SP3: variants seen among roughly 807,000 people sequenced by gnomAD.
The protein encoded by SP3 is Sp3 transcription factor.
SP3 carries 10 observed loss-of-function variants against 70.3 expected under a neutral mutation model. The ratio of observed to expected loss-of-function variants is 0.14; its 90% CI spans 0.09 to 0.24. The LOEUF (loss-of-function observed/expected upper bound fraction) is 0.24. Among genes scored for constraint, SP3 ranks in the 10% least tolerant of loss-of-function variants. The probability of loss-of-function intolerance (pLI) is 1.00; values close to 1 mark genes in which losing one functional copy is unlikely to be tolerated. For synonymous variants in SP3, 402 were observed against 333.5 expected, an observed-to-expected ratio of 1.21 and a Z score of -2.24; for missense variants, 825 against 914.6, an observed-to-expected ratio of 0.90 and a Z score of 1.26.
At chr2:173,929,936 G>A (rs1559096909) in intron 4 of SP3, among the ~76,000 whole-genome samples, 1 of 152,074 alleles carries the variant, frequency 6.6e-6, no homozygotes, top group Admixed American at 6.5e-5. Flanking sequence ...AATTCCAAGC[G>A]CCAATGTCCA....
chr2:173,944,422 C>T (rs182434131), intron 4 of SP3, among the ~76,000 whole-genome samples: 3 of 152,098 alleles, frequency 2.0e-5, no homozygotes, highest in African/African-American at 7.2e-5. Context: ...GTAGTCCCAG[C>T]TAACTCAGGA....
In SP3 at chr2:173,954,898, T is replaced by G. The variant is rs1456902668; in HGVS notation, c.1614A>C (p.Pro538=). 1 of 1,613,740 alleles carries G rather than the reference T, an allele frequency of 6.2e-7. No homozygotes were observed. The highest frequency in any genetic ancestry group is 1.3e-5 in the African/African-American group (1 of 74,942). The change falls in exon 4 of 7, where the codon CCA becomes CCC. Residue 538 remains proline (P), a synonymous_variant. Coordinates refer to ENST00000310015, the MANE Select transcript of SP3 (RefSeq NM_003111.5). The part of the protein sequence containing the change: ...SIDSAGIQLH[P]GENADSPADI... ...CTGCAGGACTGTCAGCATTCTCTCCTGGATGTAGCTGTATACCAGCAGAAT... is the reference window on the plus strand; with the variant it reads ...CTGCAGGACTGTCAGCATTCTCTCCGGGATGTAGCTGTATACCAGCAGAAT...
In SP3 at chr2:173,905,515, G is replaced by A. The variant is rs1009843894; in HGVS notation, c.*4426C>T. ...TGGGGAAAAGGACTGAAGGAGATAG[G>A]CCTTCTCAGGATATCATTCTTAACA... On this transcript the variant is annotated 3_prime_UTR_variant, in exon 7 of 7. Coordinates refer to ENST00000310015, the MANE Select transcript of SP3 (RefSeq NM_003111.5). Among the ~76,000 whole-genome samples the A allele has an allele frequency of 1.3e-5, 2 of 152,064 alleles. No individual in the cohort carries two copies. The highest frequency in any genetic ancestry group is 1.9e-4 in the East Asian group (1 of 5,194).
At position 173,964,559 on chromosome 2, in the gene SP3, G is replaced by A. The variant is rs916133121; in HGVS notation, c.8-6C>T. 1.6e-5 allele frequency: 11 copies of A among 677,712 alleles called. No homozygotes were observed. The African/African-American group carries it at 1.9e-4, about 12-fold the overall frequency. 42.0% of individuals were successfully genotyped at this position (677,712 alleles called of 1,614,324 possible). A position where few individuals can be genotyped will look rare whatever the true frequency, so the allele number is the denominator to read the frequency against. ...TTTCACGGGCTTTTCGGGAGCTGCA[G>A]GCACAGCGCGGGGGGGTGGGGGTGG... On this transcript the variant is annotated splice_polypyrimidine_tract_variant and splice_region_variant and intron_variant, in intron 1 of 6. Transcript: ENST00000310015.
At chr2:173,935,092 G>A (rs533527544) in intron 4 of SP3, among the ~76,000 whole-genome samples, 1 of 152,212 alleles carries the variant, frequency 6.6e-6, no homozygotes, top group Admixed American at 6.5e-5. Flanking sequence ...TAAAGTCGAT[G>A]TTCTAGGCCA....
At chr2:173,941,969 T>C (rs1690383092) in intron 4 of SP3, among the ~76,000 whole-genome samples, 1 of 152,208 alleles carries the variant, frequency 6.6e-6, no homozygotes, top group Non-Finnish European at 1.5e-5. Flanking sequence ...CACGGTATCT[T>C]ACCTTCTCAT....
rs1463494964 is a variant in SP3 at position 173,901,438 on chromosome 2, A to G, written c.*8503T>C. Reference sequence around the variant, plus strand: ...AATATGTACCTGGGATTAATTAAGAATGTTTGAAGATCAATGCAAAAAATT... The same window carrying G: ...AATATGTACCTGGGATTAATTAAGAGTGTTTGAAGATCAATGCAAAAAATT... On this transcript the variant is annotated 3_prime_UTR_variant, in exon 7 of 7. Coordinates refer to ENST00000310015, the MANE Select transcript of SP3 (RefSeq NM_003111.5). 6.6e-6 allele frequency among the ~76,000 whole-genome samples: 1 copy of G among 152,122 alleles called. No homozygotes were observed. The highest frequency in any genetic ancestry group is 1.5e-5 in the Non-Finnish European group (1 of 68,010).
chr2:173,964,729 G>GC (rs1444753766), intron 1 of SP3, 176 bp from the exon 2 acceptor site: 1 of 350,682 alleles, frequency 2.9e-6, no homozygotes, highest in Non-Finnish European at 5.0e-6. Context: ...TCCTGCTGCT[G>GC]CCCCCGCCCG....
intron 4 of SP3, among the ~76,000 whole-genome samples, chr2:173,948,133 G>A (rs1247021913): frequency 6.6e-6 from 1 of 151,938 alleles, no homozygotes; most frequent in African/African-American, 2.4e-5. Flanking sequence ...TGCATGTAGG[G>A]TACTTTTATC....
chr2:173,910,019 G>A lies in SP3; in HGVS notation c.2268C>T (p.Thr756=). The A allele has an allele frequency of 6.2e-7, 1 of 1,613,814 alleles. No homozygotes were observed. Among genetic ancestry groups the A allele is most frequent in the South Asian group, 1.1e-5 (1 of 91,036 alleles). ...TGTTGGTAAGGATATCTTGATTGCT[G>A]GTGGCGGAAGTATTAACAGTTCCTA... The part of the protein sequence containing the change: ...SGIGTVNTSA[T]SNQDILTNTE... The change falls in exon 7 of 7, where the codon ACC becomes ACT. Residue 756 remains threonine, a synonymous_variant. Coordinates refer to ENST00000310015, the MANE Select transcript of SP3 (RefSeq NM_003111.5).
At chr2:173,920,277 G>C (rs1405371599) in intron 4 of SP3, among the ~76,000 whole-genome samples, 1 of 152,076 alleles carries the variant, frequency 6.6e-6, no homozygotes, top group Non-Finnish European at 1.5e-5. Context: ...AAAGGGGAGG[G>C]AGGGATGAAT....
chr2:173,965,400 T>C, upstream of SP3: 2 of 565,682 alleles, frequency 3.5e-6, no homozygotes, highest in South Asian at 4.4e-5. Flanking sequence ...CCGCCCCTCT[T>C]CTTGGCTCTC....
chr2:173,955,966 C>T lies in SP3; in HGVS notation c.546G>A (p.Gln182=). Residue 182 remains glutamine (Q), a synonymous_variant, in exon 4 of 7, where the codon CAG becomes CAA. Coordinates refer to ENST00000310015, the MANE Select transcript of SP3 (RefSeq NM_003111.5). ...VIPQIQSADG[Q]QVQIGFTGSS... ...AGCCTGTGAAACCAATTTGAACCTGCTGACCATCTGCTGACTGGATCTGTG... is the reference window on the plus strand; with the variant it reads ...AGCCTGTGAAACCAATTTGAACCTGTTGACCATCTGCTGACTGGATCTGTG... 1 of 1,614,212 alleles carries T rather than the reference C, an allele frequency of 6.2e-7. No individual in the cohort carries two copies. The highest frequency in any genetic ancestry group is 1.1e-5 in the South Asian group (1 of 91,090).
At position 173,906,413 on chromosome 2, in the gene SP3, GTGC is replaced by G. The variant is rs1689323363; in HGVS notation, c.*3525_*3527del. On this transcript the variant is annotated 3_prime_UTR_variant, in exon 7 of 7. Coordinates refer to ENST00000310015, the MANE Select transcript of SP3 (RefSeq NM_003111.5). Reference sequence around the variant, plus strand: ...CCAAAGATATCAATTAATTTGTTTTGTGCTTATTGTCAGACAACAAAAGACTTA... The same window carrying G: ...CCAAAGATATCAATTAATTTGTTTTGTTATTGTCAGACAACAAAAGACTTA... The G allele has an allele frequency of 6.6e-6, 1 of 152,094 alleles. No individual in the cohort carries two copies. The highest frequency in any genetic ancestry group is 2.1e-4 in the South Asian group (1 of 4,834). 9.4% of individuals were successfully genotyped at this position (152,094 alleles called of 1,614,324 possible).
At chr2:173,924,633 GT>G (rs1373890852) in intron 4 of SP3, among the ~76,000 whole-genome samples, 1 of 152,160 alleles carries the variant, frequency 6.6e-6, no homozygotes, top group Non-Finnish European at 1.5e-5. Context: ...AAACAAAGAG[GT>G]TATGTAGTTT....
intron 6 of SP3, among the ~76,000 whole-genome samples, chr2:173,912,079 A>G (rs1257469795): frequency 6.6e-6 from 1 of 152,176 alleles, no homozygotes; most frequent in East Asian, 1.9e-4. Context: ...TTGGCCTCCC[A>G]AAGTGCCGGG....
intron 2 of SP3, chr2:173,964,144 G>A: frequency 2.7e-6 from 1 of 376,332 alleles, no homozygotes; most frequent in Non-Finnish European, 4.7e-6. Context: ...TCCGCCTTCC[G>A]CCCGGAACCC....
At chr2:173,947,203 T>C (rs537646346) in intron 4 of SP3, among the ~76,000 whole-genome samples, 7 of 152,340 alleles carry the variant, frequency 4.6e-5, no homozygotes, top group African/African-American at 7.2e-5. Flanking sequence ...AGAAAATTCT[T>C]AGCCATTATT....
intron 6 of SP3, among the ~76,000 whole-genome samples, chr2:173,910,799 T>C (rs1450830733): frequency 6.6e-6 from 1 of 152,204 alleles, no homozygotes; most frequent in Non-Finnish European, 1.5e-5. Context: ...CTGACTTGAC[T>C]TCAGCTACAA....
Sources: gnomAD v4.1 joint callset for allele counts (sites outside exome capture counted in the v4.1 genomes callset) on GRCh38, gnomAD v4.1.1 for gene constraint, MANE v1.5 for transcripts, NCBI Gene and HGNC (gene_info 2026-07-23, HGNC 2026-07-21) for gene names.